Variants in TBC1D22A observed in about 807,000 individuals in gnomAD.
TBC1D22A encodes TBC1 domain family member 22A.
TBC1D22A carries 38 observed loss-of-function variants against 60.2 expected under a neutral mutation model. The ratio of observed to expected loss-of-function variants is 0.63; its 90% CI spans 0.49 to 0.83. The LOEUF is 0.83. Ranked by LOEUF, TBC1D22A falls within the 40% of genes least tolerant of loss-of-function variation. The probability of loss-of-function intolerance (pLI) is 0.00; values close to 1 mark genes in which losing one functional copy is unlikely to be tolerated. For missense variants in TBC1D22A, 628 were observed against 701.0 expected, an observed-to-expected ratio of 0.90 and a Z score of 1.18; for synonymous variants, 302 against 281.7, an observed-to-expected ratio of 1.07 and a Z score of -0.72.
At chr22:46,877,172 C>T (rs1184005947) in intron 4 of TBC1D22A, among the ~76,000 whole-genome samples, 1 of 152,218 alleles carries the variant, frequency 6.6e-6, no homozygotes, top group Non-Finnish European at 1.5e-5. Context: ...CACTTAACCT[C>T]TCTGAGGCTC....
chr22:46,853,571 T>TA (rs1163090463), intron 4 of TBC1D22A, among the ~76,000 whole-genome samples: 1 of 152,216 alleles, frequency 6.6e-6, no homozygotes, highest in Non-Finnish European at 1.5e-5. Flanking sequence ...TGACGTGAGA[T>TA]ACGGGTGTTC....
chr22:47,170,610 G>A (rs998279532), intron 12 of TBC1D22A, among the ~76,000 whole-genome samples: 1 of 151,130 alleles, frequency 6.6e-6, no homozygotes, highest in Non-Finnish European at 1.5e-5. Context: ...GACGGTCCTG[G>A]TGTGTAACCC....
At chr22:46,903,789 T>C (rs1036260034) in intron 7 of TBC1D22A, among the ~76,000 whole-genome samples, 2 of 152,148 alleles carry the variant, frequency 1.3e-5, no homozygotes, top group African/African-American at 4.8e-5. Context: ...ACCTGACTTC[T>C]TTTCTGGCTG....
At chr22:46,844,785 C>T (rs547997289) in intron 4 of TBC1D22A, among the ~76,000 whole-genome samples, 1 of 152,168 alleles carries the variant, frequency 6.6e-6, no homozygotes, top group Non-Finnish European at 1.5e-5. Context: ...GTGAGGCTGG[C>T]CTGGACGTCT....
chr22:47,114,719 TC>T (rs2065969505), intron 12 of TBC1D22A, among the ~76,000 whole-genome samples: 1 of 152,112 alleles, frequency 6.6e-6, no homozygotes, highest in Non-Finnish European at 1.5e-5. Context: ...TTGTGATTTG[TC>T]CCTTGGGAAA....
In TBC1D22A at chr22:47,028,493, A is replaced by G. The variant is rs13055417; in HGVS notation, c.1202-8578A>G. Among the ~76,000 whole-genome samples, 113 of 84,586 alleles carry G rather than the reference A, an allele frequency of 1.3e-3. No homozygotes were observed. The highest frequency in any genetic ancestry group is 3.7e-3 in the African/African-American group (66 of 18,016). The allele number at this position is 84,586 out of a possible 152,430, so 55.5% of individuals were successfully genotyped here. ...CCAGGTTCTGAGAGCGAGTGGTCGC[A>G]TTCCTGTCCCTCGGTCCCTGTCCCC... On this transcript the variant is annotated intron_variant, in intron 10 of 12. Coordinates refer to ENST00000337137, the MANE Select transcript of TBC1D22A (RefSeq NM_014346.5). The surrounding 1 kb of genome is among the most constrained non-coding windows in gnomAD (Gnocchi z 4.4).
intron 11 of TBC1D22A, among the ~76,000 whole-genome samples, chr22:47,088,479 G>A (rs1398198872): frequency 6.6e-6 from 1 of 152,174 alleles, no homozygotes; most frequent in Non-Finnish European, 1.5e-5. Flanking sequence ...TAAAGTCTAT[G>A]AATTCATAAT....
intron 12 of TBC1D22A, among the ~76,000 whole-genome samples, chr22:47,172,848 A>T (rs1365660083): frequency 6.6e-6 from 1 of 152,156 alleles, no homozygotes; most frequent in East Asian, 1.9e-4. Context: ...GTCATGCAGG[A>T]GGGGCCAGTT....
chr22:46,842,042 A>T (rs1382533731), intron 4 of TBC1D22A, among the ~76,000 whole-genome samples: 3 of 152,218 alleles, frequency 2.0e-5, no homozygotes, highest in African/African-American at 4.8e-5. Context: ...TAATAATAAC[A>T]TTCTGTATTA....
At chr22:47,172,748 G>T (rs556218476) in intron 12 of TBC1D22A, among the ~76,000 whole-genome samples, 1 of 152,336 alleles carries the variant, frequency 6.6e-6, no homozygotes, top group African/African-American at 2.4e-5. Flanking sequence ...GGGCCTCGGG[G>T]TGGAGTCATT....
At chr22:46,904,142 T>TCTATCTATCTGCCTACCTAC (rs57116517) in intron 7 of TBC1D22A, among the ~76,000 whole-genome samples, 11,190 of 134,450 alleles carry the variant, frequency 0.083, 579 homozygotes, top group Non-Finnish European at 0.098. Context: ...TATCTATCTA[T>TCTATCTATCTGCCTACCTAC]CTACCTACCT....
chr22:46,826,032 A>G lies in TBC1D22A; in HGVS notation c.637+28412A>G, dbSNP rs182834218. Among the ~76,000 whole-genome samples, 83 of 151,884 alleles carry G rather than the reference A, an allele frequency of 5.5e-4. 1 individual carries two copies. Among genetic ancestry groups the G allele is most frequent in the Admixed American group, 2.4e-3 (36 of 15,248 alleles). On this transcript the variant is annotated intron_variant, in intron 4 of 12. Transcript: ENST00000337137. The stretch of plus-strand genomic sequence containing the variant: ...CGAGTAGCTGGGACTGCAGGTGCCC[A>G]CCACCACGCCTGGCTAATTTTTTGT...
intron 7 of TBC1D22A, among the ~76,000 whole-genome samples, chr22:46,895,276 C>T (rs1451569511): frequency 6.6e-6 from 1 of 151,988 alleles, no homozygotes; most frequent in Non-Finnish European, 1.5e-5. Flanking sequence ...TTGTGACTTT[C>T]ATTCATGGGA....
intron 12 of TBC1D22A, among the ~76,000 whole-genome samples, chr22:47,145,932 C>T (rs2067268667): frequency 6.6e-6 from 1 of 152,100 alleles, no homozygotes; most frequent in Non-Finnish European, 1.5e-5. Flanking sequence ...CATGCTGTTC[C>T]TTAAAGCAGG....
intron 7 of TBC1D22A, among the ~76,000 whole-genome samples, chr22:46,898,328 G>C (rs558394354): frequency 6.6e-6 from 1 of 152,246 alleles, no homozygotes; most frequent in East Asian, 1.9e-4. Context: ...AAAATGATGA[G>C]ACAACGCTCA....
chr22:46,904,430 A>G (rs1602404428), intron 7 of TBC1D22A, among the ~76,000 whole-genome samples: 1 of 151,670 alleles, frequency 6.6e-6, no homozygotes, highest in Non-Finnish European at 1.5e-5. Flanking sequence ...CTCAGCCGCG[A>G]GTGCTTTCCT....
intron 11 of TBC1D22A, among the ~76,000 whole-genome samples, chr22:47,068,095 G>C (rs1358534426): frequency 6.6e-6 from 1 of 152,274 alleles, no homozygotes; most frequent in African/African-American, 2.4e-5. Context: ...GGGCTCCCCT[G>C]TCTGGCCACG....
intron 7 of TBC1D22A, among the ~76,000 whole-genome samples, chr22:46,898,602 C>T (rs1475826576): frequency 6.6e-6 from 1 of 152,024 alleles, no homozygotes; most frequent in African/African-American, 2.4e-5. Context: ...CTGCATGTTA[C>T]ATAAGATAAC....
At chr22:47,150,806 G>A (rs560876121) in intron 12 of TBC1D22A, among the ~76,000 whole-genome samples, 1 of 152,256 alleles carries the variant, frequency 6.6e-6, no homozygotes, top group African/African-American at 2.4e-5. Flanking sequence ...CACCCACGGG[G>A]CTCCCGTGCG....
Sources: gnomAD v4.1 joint callset for allele counts (sites outside exome capture counted in the v4.1 genomes callset) on GRCh38, gnomAD v4.1.1 for gene constraint, Gnocchi (gnomAD v3.1) non-coding constraint, MANE v1.5 for transcripts, NCBI Gene and HGNC (gene_info 2026-07-23, HGNC 2026-07-21) for gene names.